The following NEO1 variants were observed in gnomAD, a reference collection of about 807,000 sequenced individuals.
NEO1 encodes neogenin.
In NEO1, 63 loss-of-function variants were observed where a neutral mutation model predicts 159.7. That is an observed-to-expected ratio of 0.39 (90% confidence interval 0.32 to 0.49). The LOEUF (loss-of-function observed/expected upper bound fraction) is 0.49, where lower values mean the gene tolerates loss of function less well. NEO1 is among the 20% of genes least tolerant of loss of function. NEO1 has a pLI of 0.85. For synonymous variants in NEO1, 633 were observed against 662.0 expected (o/e 0.96, Z 0.67); for missense variants, 1,615 against 1,831.0 (o/e 0.88, Z 2.15).
In NEO1 at chr15:73,202,217, C is replaced by T. The variant is rs886805703; in HGVS notation, c.1291+23790C>T. ...ACCTCAGGTGATCCACCTGCCTCAG[C>T]CTCCCAAATTGCTGGGATTACAGGC... On this transcript the variant is annotated intron_variant, in intron 7 of 28. Transcript: ENST00000261908. Among the ~76,000 whole-genome samples, 9 of 152,246 alleles carry T rather than the reference C, an allele frequency of 5.9e-5. No homozygotes were observed. The South Asian group carries it at 8.3e-4, about 14-fold the overall frequency.
chr15:73,105,778 T>G (rs917714827), intron 1 of NEO1, among the ~76,000 whole-genome samples: 1 of 152,210 alleles, frequency 6.6e-6, no homozygotes, highest in African/African-American at 2.4e-5. Flanking sequence ...TTAGACACTT[T>G]GGGCAAGAAT....
At chr15:73,269,247 A>T (rs1273163032) in intron 16 of NEO1, among the ~76,000 whole-genome samples, 1 of 152,188 alleles carries the variant, frequency 6.6e-6, no homozygotes, top group Non-Finnish European at 1.5e-5. Context: ...CTCTTGTCCC[A>T]AAAATTCAGC....
At chr15:73,119,215 A>G (rs1244474191) in intron 2 of NEO1, among the ~76,000 whole-genome samples, 1 of 152,214 alleles carries the variant, frequency 6.6e-6, no homozygotes, top group East Asian at 1.9e-4. Context: ...AACTTTGTTC[A>G]TATACTAAAA....
intron 9 of NEO1, among the ~76,000 whole-genome samples, chr15:73,245,243 TGAA>T (rs2039726228): frequency 6.6e-6 from 1 of 152,136 alleles, no homozygotes. Context: ...GCCTTGCACA[TGAA>T]GAAGGTATTT....
At chr15:73,171,239 T>C (rs1438366434) in intron 5 of NEO1, among the ~76,000 whole-genome samples, 1 of 152,136 alleles carries the variant, frequency 6.6e-6, no homozygotes, top group East Asian at 1.9e-4. Context: ...TGCACCTTGT[T>C]TGCCCAATTT....
At chr15:73,154,238 G>A (rs758236360) in intron 5 of NEO1, among the ~76,000 whole-genome samples, 6 of 151,922 alleles carry the variant, frequency 3.9e-5, no homozygotes, top group Non-Finnish European at 7.4e-5. Flanking sequence ...AATAGTTGGT[G>A]TATATATTTA....
intron 1 of NEO1, among the ~76,000 whole-genome samples, chr15:73,090,948 C>T (rs1367406873): frequency 1.3e-5 from 2 of 152,056 alleles, no homozygotes; most frequent in African/African-American, 4.8e-5. Context: ...CTCCCAATTG[C>T]GTTATTGAGG....
chr15:73,083,094 G>A (rs1345629684), intron 1 of NEO1, among the ~76,000 whole-genome samples: 4 of 152,218 alleles, frequency 2.6e-5, no homozygotes, highest in Non-Finnish European at 5.9e-5. Flanking sequence ...GGCCTTGTTG[G>A]ATGTGTATCA....
At chr15:73,264,370 A>G (rs1015366244) in intron 15 of NEO1, among the ~76,000 whole-genome samples, 14 of 152,366 alleles carry the variant, frequency 9.2e-5, no homozygotes, top group African/African-American at 2.9e-4. Flanking sequence ...AATTTTGTTC[A>G]GAGAAGGGAG....
chr15:73,091,828 T>A (rs1429594563), intron 1 of NEO1, among the ~76,000 whole-genome samples: 2 of 151,776 alleles, frequency 1.3e-5, no homozygotes, highest in East Asian at 3.9e-4. Flanking sequence ...GGTCTCGCTA[T>A]GTTGCCCAGG....
At chr15:73,211,041 A>T (rs1596351187) in intron 7 of NEO1, among the ~76,000 whole-genome samples, 2 of 152,332 alleles carry the variant, frequency 1.3e-5, no homozygotes, top group South Asian at 4.1e-4. Flanking sequence ...GAGCTTAGAA[A>T]TACTTTAAAT....
chr15:73,140,990 G>A (rs1180484114), intron 5 of NEO1, among the ~76,000 whole-genome samples: 1 of 152,148 alleles, frequency 6.6e-6, no homozygotes, highest in Non-Finnish European at 1.5e-5. Context: ...GCACAGCCCG[G>A]CTTCTGGTGT....
chr15:73,138,276 A>C (rs1427786011), intron 5 of NEO1, among the ~76,000 whole-genome samples: 2 of 152,208 alleles, frequency 1.3e-5, no homozygotes, highest in South Asian at 2.1e-4. Flanking sequence ...ACAATAGCGT[A>C]ATCTTTTTAA....
chr15:73,163,458 C>G (rs947299253), intron 5 of NEO1, among the ~76,000 whole-genome samples: 1 of 152,078 alleles, frequency 6.6e-6, no homozygotes, highest in Non-Finnish European at 1.5e-5. Context: ...AAAGCATTTA[C>G]ATACATGTAC....
chr15:73,148,416 C>T (rs996121131), intron 5 of NEO1, among the ~76,000 whole-genome samples: 2 of 151,934 alleles, frequency 1.3e-5, no homozygotes, highest in Non-Finnish European at 2.9e-5. Context: ...TTTTAAATGC[C>T]CCCTTTCTTG....
intron 15 of NEO1, among the ~76,000 whole-genome samples, chr15:73,261,591 A>C (rs2040621446): frequency 6.6e-6 from 1 of 152,178 alleles, no homozygotes; most frequent in Non-Finnish European, 1.5e-5. Context: ...AAAAAATATG[A>C]AGTACATAGG....
chr15:73,205,256 TG>T (rs1458823811), intron 7 of NEO1, among the ~76,000 whole-genome samples: 8 of 152,224 alleles, frequency 5.3e-5, no homozygotes, highest in Non-Finnish European at 7.3e-5. Context: ...CCATCTGTAG[TG>T]TTCCCAATCT....
intron 5 of NEO1, among the ~76,000 whole-genome samples, chr15:73,170,029 T>C (rs773060950): frequency 2.0e-5 from 3 of 152,048 alleles, no homozygotes; most frequent in Non-Finnish European, 2.9e-5. Flanking sequence ...TACAAAGTAG[T>C]TCCTGAAACT....
At chr15:73,274,822 TCAG>T (rs2041332789) in intron 21 of NEO1, 98 bp downstream of exon 21, 1 of 1,173,812 alleles carries the variant, frequency 8.5e-7, no homozygotes, top group Non-Finnish European at 1.2e-6. Flanking sequence ...TCCTGAAAAA[TCAG>T]CACCATGTGT....
Sources: gnomAD v4.1 joint callset for allele counts (sites outside exome capture counted in the v4.1 genomes callset) on GRCh38, gnomAD v4.1.1 for gene constraint, MANE v1.5 for transcripts, NCBI Gene and HGNC (gene_info 2026-07-23, HGNC 2026-07-21) for gene names.